TBX5: variants seen among roughly 807,000 people sequenced by gnomAD.
The protein encoded by TBX5 is T-box transcription factor 5.
In TBX5, 8 loss-of-function variants were observed where a neutral mutation model predicts 51.1. The ratio of observed to expected loss-of-function variants is 0.16; its 90% CI spans 0.09 to 0.28. The LOEUF (loss-of-function observed/expected upper bound fraction) is 0.28, where lower values mean the gene tolerates loss of function less well. Among genes scored for constraint, TBX5 ranks in the 10% least tolerant of loss-of-function variants. TBX5 has a pLI of 1.00. For missense variants in TBX5, 589 were observed against 671.7 expected (o/e 0.88, Z 1.36); for synonymous variants, 302 against 266.4 (o/e 1.13, Z -1.30).
intron 2 of TBX5, among the ~76,000 whole-genome samples, chr12:114,402,493 T>C (rs888894775): frequency 1.3e-5 from 2 of 152,194 alleles, no homozygotes; most frequent in Admixed American, 6.5e-5. Flanking sequence ...TGAACATACA[T>C]GAATTTTGAA....
chr12:114,400,147 T>C (rs575150357), intron 3 of TBX5, among the ~76,000 whole-genome samples: 1 of 152,262 alleles, frequency 6.6e-6, no homozygotes, highest in South Asian at 2.1e-4. Flanking sequence ...TTCCCGACCT[T>C]GCTTTGGTCC....
At chr12:114,377,136 G>A (rs980218798) in intron 7 of TBX5, among the ~76,000 whole-genome samples, 1 of 152,168 alleles carries the variant, frequency 6.6e-6, no homozygotes, top group Non-Finnish European at 1.5e-5. Flanking sequence ...ACAACCCTAA[G>A]AGGGGAGTTA....
rs371141862 is a variant in TBX5 at position 114,383,501 on chromosome 12, T to C, written c.755+1975A>G. Among the ~76,000 whole-genome samples, 5 of 152,046 alleles carry C rather than the reference T, an allele frequency of 3.3e-5. No homozygotes were observed. The South Asian group carries it at 6.2e-4, about 19-fold the overall frequency. The stretch of plus-strand genomic sequence containing the variant: ...AGGCAAAAGAGTCCAAACCTTATAG[T>C]GATGGCAACAGGAGACTTGGACATG... On this transcript the variant is annotated intron_variant, in intron 7 of 8. Transcript: ENST00000405440.
chr12:114,399,213 C>G (rs371645189), intron 4 of TBX5, among the ~76,000 whole-genome samples: 2 of 152,138 alleles, frequency 1.3e-5, no homozygotes, highest in Non-Finnish European at 2.9e-5. Context: ...CCCAGAAATA[C>G]CTCCAGCACT....
intron 7 of TBX5, among the ~76,000 whole-genome samples, chr12:114,372,851 A>T (rs7137598): frequency 6.6e-6 from 1 of 151,928 alleles, no homozygotes. Context: ...AGACCACTCC[A>T]TTGCTGGCTA....
intron 8 of TBX5, among the ~76,000 whole-genome samples, chr12:114,356,428 A>G (rs1020963235): frequency 6.6e-6 from 1 of 152,254 alleles, no homozygotes; most frequent in Admixed American, 6.5e-5. Flanking sequence ...GAGCCCAGAA[A>G]CACTCAATAA....
intron 6 of TBX5, among the ~76,000 whole-genome samples, chr12:114,388,666 T>C (rs552277946): frequency 7.5e-6 from 1 of 133,326 alleles, no homozygotes; most frequent in East Asian, 2.2e-4. Context: ...AAAATATTTT[T>C]AAAGTATCCG....
At position 114,370,564 on chromosome 12, in the gene TBX5, C is replaced by T. The variant is rs551533675; in HGVS notation, c.756-4173G>A. 1.3e-4 allele frequency among the ~76,000 whole-genome samples: 20 copies of T among 152,200 alleles called. 1 individual carries two copies. Among genetic ancestry groups the T allele is most frequent in the South Asian group, 1.2e-3 (6 of 4,814 alleles). Reference sequence around the variant, plus strand: ...AGTTTCGGGTGATGCCTGTCTTCCTCGCTTCTGATGGCCGCCTTCCCTCAG... The same window carrying T: ...AGTTTCGGGTGATGCCTGTCTTCCTTGCTTCTGATGGCCGCCTTCCCTCAG... On this transcript the variant is annotated intron_variant, in intron 7 of 8. Coordinates refer to ENST00000405440, the MANE Select transcript of TBX5 (RefSeq NM_181486.4).
upstream of TBX5, among the ~76,000 whole-genome samples, chr12:114,407,469 C>A (rs1430000437): frequency 1.3e-5 from 2 of 152,116 alleles, no homozygotes; most frequent in Non-Finnish European, 2.9e-5. Flanking sequence ...CTTCCCAATC[C>A]CTTTAAGTTC....
intron 6 of TBX5, among the ~76,000 whole-genome samples, chr12:114,390,742 G>A (rs376553163): frequency 6.6e-6 from 1 of 152,144 alleles, no homozygotes; most frequent in African/African-American, 2.4e-5. Flanking sequence ...TGCATACACA[G>A]CCATTGTTGC....
intron 7 of TBX5, among the ~76,000 whole-genome samples, chr12:114,373,033 A>T (rs994604106): frequency 6.6e-6 from 1 of 151,518 alleles, no homozygotes; most frequent in African/African-American, 2.4e-5. Flanking sequence ...CTGGGGACAC[A>T]TTGCTCAATA....
intron 7 of TBX5, among the ~76,000 whole-genome samples, chr12:114,383,788 C>G (rs1870646526): frequency 6.6e-6 from 1 of 152,128 alleles, no homozygotes; most frequent in African/African-American, 2.4e-5. Context: ...CACCCCCTGC[C>G]CTTGACCTTG....
rs1309984671 is a variant in TBX5, at chr12:114,403,796, G to C, written c.103C>G (p.Pro35Ala). Reference sequence around the variant, plus strand: ...TGCGGGGACGACGGGGACTTGCTGGGGGCCCCGAGCGCGCTCTCGGGTTTC... The same window carrying C: ...TGCGGGGACGACGGGGACTTGCTGGCGGCCCCGAGCGCGCTCTCGGGTTTC... ...DSKPESALGAPSKSPSSPQAA... is the reference protein window; with the variant it reads ...DSKPESALGAASKSPSSPQAA... The change falls in exon 2 of 9, where the codon CCC becomes GCC. Residue 35 changes from proline to alanine, a missense_variant. By Grantham distance (27) the Pro-to-Ala change is conservative (BLOSUM62 -1). Transcript: ENST00000405440. The C allele has an allele frequency of 1.2e-6, 2 of 1,614,004 alleles. No individual in the cohort carries two copies. Among genetic ancestry groups the C allele is most frequent in the East Asian group, 2.2e-5 (1 of 44,886 alleles).
At chr12:114,394,491 G>T (rs1324607049) in intron 6 of TBX5, among the ~76,000 whole-genome samples, 1 of 152,176 alleles carries the variant, frequency 6.6e-6, no homozygotes, top group Non-Finnish European at 1.5e-5. Flanking sequence ...CCCATCTATG[G>T]TTTGACAAGT....
intron 8 of TBX5, among the ~76,000 whole-genome samples, chr12:114,359,791 G>A (rs1053538710): frequency 6.6e-6 from 1 of 152,228 alleles, no homozygotes; most frequent in Non-Finnish European, 1.5e-5. Context: ...CTCAGTTCTT[G>A]ATTGTAAATG....
chr12:114,355,346 T>C lies in TBX5; in HGVS notation c.*186A>G, dbSNP rs769894729. ...AGACAAAACAAGAAAGTCACATTTT[T>C]AAAATTGTGGTTTCAAGCTACTGAT... On this transcript the variant is annotated 3_prime_UTR_variant, in exon 9 of 9. Transcript: ENST00000405440. The C allele has an allele frequency of 6.4e-6, 5 of 781,178 alleles. No homozygotes were observed. The highest frequency in any genetic ancestry group is 1.1e-5 in the Non-Finnish European group (5 of 462,730). The allele number at this position is 781,178 out of a possible 1,614,324, so 48.4% of individuals were successfully genotyped here.
At chr12:114,402,731 GCA>G (rs1312355253) in intron 2 of TBX5, among the ~76,000 whole-genome samples, 2 of 151,752 alleles carry the variant, frequency 1.3e-5, no homozygotes, top group Non-Finnish European at 2.9e-5. Context: ...ATACATATGT[GCA>G]CACACACATA....
chr12:114,373,197 A>C (rs1870013363), intron 7 of TBX5, among the ~76,000 whole-genome samples: 1 of 152,126 alleles, frequency 6.6e-6, no homozygotes, highest in Non-Finnish European at 1.5e-5. Flanking sequence ...GCTACTCAAA[A>C]AGGGTCTGTG....
intron 8 of TBX5, among the ~76,000 whole-genome samples, 187 bp from the exon 9 acceptor site, chr12:114,356,293 GCAAA>G (rs1452938741): frequency 6.6e-6 from 1 of 152,200 alleles, no homozygotes; most frequent in African/African-American, 2.4e-5. Context: ...GGAGTTCTAT[GCAAA>G]CAGTTTGACC....
Sources: gnomAD v4.1 joint callset for allele counts (sites outside exome capture counted in the v4.1 genomes callset) on GRCh38, gnomAD v4.1.1 for gene constraint, MANE v1.5 for transcripts, NCBI Gene and HGNC (gene_info 2026-07-23, HGNC 2026-07-21) for gene names.